The following ANTXR2 variants were observed in gnomAD, a reference collection of about 807,000 sequenced individuals.
ANTXR2 encodes ANTXR cell adhesion molecule 2.
Under a neutral mutation model 73.7 loss-of-function variants are expected in ANTXR2, and 44 were observed. The ratio of observed to expected loss-of-function variants is 0.60; its 90% CI spans 0.47 to 0.77. ANTXR2 has a LOEUF of 0.77. ANTXR2 is among the 30% of genes least tolerant of loss of function. The probability of loss-of-function intolerance (pLI) is 0.00; values close to 1 mark genes in which losing one functional copy is unlikely to be tolerated. For missense variants in ANTXR2, 604 were observed against 592.5 expected, an observed-to-expected ratio of 1.02 and a Z score of -0.20; for synonymous variants, 217 against 205.9, an observed-to-expected ratio of 1.05 and a Z score of -0.46.
At chr4:80,071,703 A>C in intron 1 of ANTXR2, 49 bp from the exon 2 acceptor site, 1 of 1,458,462 alleles carries the variant, frequency 6.9e-7, no homozygotes, top group Non-Finnish European at 9.6e-7. Flanking sequence ...CGGAACTGAA[A>C]AGTAAACATT....
intron 3 of ANTXR2, among the ~76,000 whole-genome samples, chr4:80,063,318 C>T (rs1734346933): frequency 6.6e-6 from 1 of 152,116 alleles, no homozygotes; most frequent in South Asian, 2.1e-4. Flanking sequence ...CTTTCATTAA[C>T]AAAAAACCTC....
At chr4:80,003,470 G>C (rs1731152222) in intron 12 of ANTXR2, among the ~76,000 whole-genome samples, 1 of 151,144 alleles carries the variant, frequency 6.6e-6, no homozygotes, top group African/African-American at 2.4e-5. Flanking sequence ...TAAATGACAA[G>C]TTAATGGGTG....
intron 7 of ANTXR2, among the ~76,000 whole-genome samples, chr4:80,050,811 A>G (rs1276296340): frequency 2.6e-5 from 4 of 151,662 alleles, no homozygotes; most frequent in Non-Finnish European, 4.4e-5. Context: ...CATCTTGTAC[A>G]TTATTATAAG....
In ANTXR2 at chr4:80,036,009, T is replaced by TTCAGTACATGACTGAGCTAGTATC; in HGVS notation, c.637-1_659dup (p.Ala215_Leu222dup). On this transcript the variant is annotated inframe_insertion, in exon 8 of 17. Transcript: ENST00000403729. ...CACTTGAGGGCTGCAATTCTAGGAT[T>TTCAGTACATGACTGAGCTAGTATC]TCAGTACATGACTGAGCTAGTATCT... 1 of 1,534,566 alleles carries TTCAGTACATGACTGAGCTAGTATC rather than the reference T, an allele frequency of 6.5e-7. No homozygotes were observed. Among genetic ancestry groups the TTCAGTACATGACTGAGCTAGTATC allele is most frequent in the Non-Finnish European group, 8.7e-7 (1 of 1,143,106 alleles).
At chr4:79,911,374 A>G (rs1727129475) in intron 16 of ANTXR2, among the ~76,000 whole-genome samples, 1 of 152,222 alleles carries the variant, frequency 6.6e-6, no homozygotes. Context: ...TTTCACTTTT[A>G]TAACAAATAA....
At chr4:79,919,394 G>A (rs1727476328) in intron 16 of ANTXR2, among the ~76,000 whole-genome samples, 1 of 152,102 alleles carries the variant, frequency 6.6e-6, no homozygotes, top group South Asian at 2.1e-4. Context: ...TGATTGGATT[G>A]AAGGATGCAA....
chr4:80,002,685 A>G (rs1466472046), intron 12 of ANTXR2, among the ~76,000 whole-genome samples: 1 of 152,072 alleles, frequency 6.6e-6, no homozygotes, highest in African/African-American at 2.4e-5. Context: ...CATATCCAGA[A>G]TCTACAATGA....
chr4:79,977,723 GAATTCCCAGAGAATGTACTC>G, intron 15 of ANTXR2, 22 bp from the exon 16 acceptor site: 1 of 1,552,502 alleles, frequency 6.4e-7, no homozygotes, highest in Non-Finnish European at 8.7e-7. Flanking sequence ...TGAGATTTGT[GAATTCCCAGAGAATGTACTC>G]AATCTCTATG....
intron 7 of ANTXR2, among the ~76,000 whole-genome samples, chr4:80,047,238 A>G (rs1733559757): frequency 6.6e-6 from 1 of 151,750 alleles, no homozygotes; most frequent in Admixed American, 6.6e-5. Context: ...TTATTAGGGA[A>G]TATTTTCATG....
At chr4:80,042,266 T>C (rs1272939067) in intron 7 of ANTXR2, among the ~76,000 whole-genome samples, 1 of 152,014 alleles carries the variant, frequency 6.6e-6, no homozygotes, top group Non-Finnish European at 1.5e-5. Flanking sequence ...ACTGCAAAAC[T>C]CCGTTTATAA....
At chr4:79,921,898 A>G (rs28510909) in intron 16 of ANTXR2, among the ~76,000 whole-genome samples, 86,994 of 151,630 alleles carry the variant, frequency 0.57, 25,279 homozygotes, top group Non-Finnish European at 0.6. Flanking sequence ...TATATTTGAG[A>G]AAAACAATTT....
intron 3 of ANTXR2, among the ~76,000 whole-genome samples, chr4:80,064,173 C>T (rs535420380): frequency 5.3e-5 from 8 of 152,076 alleles, no homozygotes; most frequent in Admixed American, 1.3e-4. Context: ...AGTTTGCCTA[C>T]GGAAGATTTT....
At chr4:79,910,542 AAG>A (rs1553924909) in intron 16 of ANTXR2, among the ~76,000 whole-genome samples, 2 of 151,586 alleles carry the variant, frequency 1.3e-5, no homozygotes, top group African/African-American at 4.8e-5. Flanking sequence ...GAAAAAAAAA[AAG>A]AAAACAAAAA....
At chr4:79,973,842 T>C (rs1165708701) in intron 16 of ANTXR2, among the ~76,000 whole-genome samples, 3 of 152,138 alleles carry the variant, frequency 2.0e-5, no homozygotes, top group African/African-American at 7.2e-5. Context: ...GTAAAGGTCA[T>C]ATGCTGATAA....
intron 12 of ANTXR2, among the ~76,000 whole-genome samples, chr4:79,996,055 A>G (rs1578139989): frequency 6.6e-6 from 1 of 151,986 alleles, no homozygotes; most frequent in South Asian, 2.1e-4. Flanking sequence ...CACTATGTTT[A>G]TCCTCATTTT....
At chr4:79,914,637 T>A (rs750568695) in intron 16 of ANTXR2, among the ~76,000 whole-genome samples, 2 of 152,140 alleles carry the variant, frequency 1.3e-5, no homozygotes, top group Non-Finnish European at 2.9e-5. Flanking sequence ...ACTCTGTAGA[T>A]ACCTCATGAT....
chr4:80,008,614 A>T lies in ANTXR2; in HGVS notation c.948T>A (p.Ser316=). Residue 316 remains serine (S), a splice_region_variant and synonymous_variant, in exon 12 of 17, where the codon TCT becomes TCA. Coordinates refer to ENST00000403729, the MANE Select transcript of ANTXR2 (RefSeq NM_058172.6). ...TAACAATGATGGCTGCGATCCCGTT[A>T]GACTAAAGTAGGCAAAAAGCAAAAA... ...GSLIVTATEC[S]NGIAAIIVIL... 3 of 1,590,622 alleles carry T rather than the reference A, an allele frequency of 1.9e-6. No homozygotes were observed. Among genetic ancestry groups the T allele is most frequent in the Non-Finnish European group, 2.6e-6 (3 of 1,171,596 alleles).
chr4:80,011,275 C>G (rs1412774194), intron 11 of ANTXR2, among the ~76,000 whole-genome samples: 2 of 21,554 alleles, frequency 9.3e-5, no homozygotes, highest in African/African-American at 1.9e-4. Flanking sequence ...GTCTTGCTAT[C>G]TATCTATCTA....
intron 16 of ANTXR2, among the ~76,000 whole-genome samples, chr4:79,951,227 A>T (rs868822984): frequency 6.6e-6 from 1 of 152,202 alleles, no homozygotes; most frequent in South Asian, 2.1e-4. Flanking sequence ...AAACAGCAAT[A>T]AATATTTGTT....
Sources: allele counts gnomAD v4.1 joint callset (sites outside exome capture counted in the v4.1 genomes callset), GRCh38; gene constraint gnomAD v4.1.1; transcripts MANE v1.5; gene names NCBI Gene and HGNC (gene_info 2026-07-23, HGNC 2026-07-21).